The following CDH8 variants were observed in gnomAD, a reference collection of about 807,000 sequenced individuals.
CDH8 encodes the protein cadherin 8.
A neutral mutation model predicts 68.1 loss-of-function variants in CDH8; 17 were observed. The ratio of observed to expected loss-of-function variants is 0.25; its 90% CI spans 0.17 to 0.37. The LOEUF is 0.37. CDH8 is among the 10% of genes least tolerant of loss of function. CDH8 has a pLI of 1.00. For synonymous variants in CDH8, 372 were observed against 365.1 expected (o/e 1.02, Z -0.21); for missense variants, 763 against 999.3 (o/e 0.76, Z 3.19).
intron 4 of CDH8, among the ~76,000 whole-genome samples, chr16:61,855,870 G>C (rs1365132420): frequency 6.6e-6 from 1 of 152,094 alleles, no homozygotes; most frequent in Non-Finnish European, 1.5e-5. Flanking sequence ...GCCATTTCAG[G>C]ATCATCAAGG....
At chr16:61,891,711 T>G (rs1461269393) in intron 3 of CDH8, among the ~76,000 whole-genome samples, 1 of 152,186 alleles carries the variant, frequency 6.6e-6, no homozygotes, top group East Asian at 1.9e-4. Context: ...GTCATTCGTA[T>G]CAGGTAGAAC....
chr16:61,940,396 A>ATATTTTTTTTTTTTTTTTTTTTT (rs1597078843), intron 2 of CDH8: 1 of 121,054 alleles, frequency 8.3e-6, no homozygotes, highest in African/African-American at 3.8e-5. Flanking sequence ...GAACTACTTG[A>ATATTTTTTTTTTTTTTTTTTTTT]TCTTTTTTTT....
intron 1 of CDH8, among the ~76,000 whole-genome samples, chr16:62,028,211 C>T (rs1902241204): frequency 6.6e-6 from 1 of 151,510 alleles, no homozygotes; most frequent in South Asian, 2.1e-4. Flanking sequence ...ATTAGAGGCA[C>T]CCGCCACAAT....
chr16:61,923,230 A>G (rs1964400582), intron 2 of CDH8, among the ~76,000 whole-genome samples: 1 of 152,172 alleles, frequency 6.6e-6, no homozygotes, highest in African/African-American at 2.4e-5. Flanking sequence ...ACAAAATTAG[A>G]TAGCTTGAGG....
intron 10 of CDH8, among the ~76,000 whole-genome samples, chr16:61,670,988 C>A (rs955256068): frequency 1.3e-5 from 2 of 152,006 alleles, no homozygotes; most frequent in African/African-American, 2.4e-5. Context: ...GCAACTGAAA[C>A]CTCAGAAAGC....
At chr16:61,720,383 T>G (rs1235691838) in intron 9 of CDH8, among the ~76,000 whole-genome samples, 1 of 151,016 alleles carries the variant, frequency 6.6e-6, no homozygotes, top group Non-Finnish European at 1.5e-5. Flanking sequence ...TCAGGTTTCC[T>G]ACCTGGCTCC....
At position 62,021,225 on chromosome 16, in the gene CDH8, T is replaced by C; in HGVS notation, c.179A>G (p.Lys60Arg). ...CATTTGATTCCAAACCCAGCCTCTT[T>C]TGGAGCGGTTCAAAATTCGCTGTTC... is the stretch of plus-strand genomic sequence containing the variant. ...GEEQRILNRS[K>R]RGWVWNQMFV... The change falls in exon 2 of 12, where the codon AAA becomes AGA. Residue 60 changes from lysine to arginine, a missense_variant. By Grantham distance (26) the Lys-to-Arg change is conservative (BLOSUM62 2). Transcript: ENST00000577390. 5 of 1,614,034 alleles carry C rather than the reference T, an allele frequency of 3.1e-6. No individual in the cohort carries two copies. Among genetic ancestry groups the C allele is most frequent in the Non-Finnish European group, 4.2e-6 (5 of 1,179,964 alleles).
chr16:61,750,079 T>C (rs991875227), intron 8 of CDH8, among the ~76,000 whole-genome samples: 4 of 152,042 alleles, frequency 2.6e-5, no homozygotes, highest in East Asian at 1.9e-4. Context: ...CCAGCTCTAG[T>C]AGTCGTCAGT....
At chr16:61,777,833 A>G (rs929084173) in intron 8 of CDH8, among the ~76,000 whole-genome samples, 1 of 151,922 alleles carries the variant, frequency 6.6e-6, no homozygotes, top group African/African-American at 2.4e-5. Flanking sequence ...AAGGACATGG[A>G]CCCCAATTCT....
chr16:61,742,160 A>C (rs767418904), intron 8 of CDH8, among the ~76,000 whole-genome samples: 1 of 152,062 alleles, frequency 6.6e-6, no homozygotes, highest in Non-Finnish European at 1.5e-5. Flanking sequence ...TATTTTGTTT[A>C]ATTTTCTGAG....
chr16:61,782,634 C>A lies in CDH8; in HGVS notation c.1414+6712G>T, dbSNP rs796927045. 3.2e-4 allele frequency among the ~76,000 whole-genome samples: 49 copies of A among 151,872 alleles called. No homozygotes were observed. In the South Asian group the frequency reaches 0.01, roughly 31 times the overall value. On this transcript the variant is annotated intron_variant, in intron 8 of 11. Coordinates refer to ENST00000577390, the MANE Select transcript of CDH8 (RefSeq NM_001796.5). ...CCTCTGTAGGCTCCACCTCTGGGGG[C>A]AGGGCACAGACAAACAAAAAGACAG...
At chr16:61,684,403 C>T (rs1162486498) in intron 10 of CDH8, among the ~76,000 whole-genome samples, 1 of 151,740 alleles carries the variant, frequency 6.6e-6, no homozygotes, top group Non-Finnish European at 1.5e-5. Context: ...TTTTTATTGG[C>T]TAGGCAATAA....
intron 8 of CDH8, among the ~76,000 whole-genome samples, chr16:61,753,139 G>C (rs1432933054): frequency 6.6e-6 from 1 of 151,924 alleles, no homozygotes; most frequent in Non-Finnish European, 1.5e-5. Flanking sequence ...ATCTTGTGTA[G>C]TTTTGGATGA....
chr16:61,681,986 C>A (rs1214227305), intron 10 of CDH8, among the ~76,000 whole-genome samples: 1 of 151,852 alleles, frequency 6.6e-6, no homozygotes, highest in Non-Finnish European at 1.5e-5. Context: ...GGAAAATAAT[C>A]TCTCTAAGTA....
At chr16:61,749,059 T>C (rs1393489496) in intron 8 of CDH8, among the ~76,000 whole-genome samples, 2 of 152,090 alleles carry the variant, frequency 1.3e-5, no homozygotes, top group South Asian at 2.1e-4. Flanking sequence ...GCTTACAATA[T>C]TGAGGTAAGG....
rs147072144 is a variant in CDH8, at chr16:61,746,452, T to C, written c.1415-19237A>G. On this transcript the variant is annotated intron_variant, in intron 8 of 11. Transcript: ENST00000577390. Reference sequence around the variant, plus strand: ...TGAGTTCCTTAGTTGCTGGCTGCCTTTAAATCATGTTGTTCTCCCTAACTT... The same window carrying C: ...TGAGTTCCTTAGTTGCTGGCTGCCTCTAAATCATGTTGTTCTCCCTAACTT... Among the ~76,000 whole-genome samples the C allele has an allele frequency of 5.3e-4, 81 of 151,934 alleles. 1 individual carries two copies. Among genetic ancestry groups the C allele is most frequent in the Admixed American group, 4.5e-3 (69 of 15,190 alleles).
intron 3 of CDH8, among the ~76,000 whole-genome samples, chr16:61,894,560 A>C (rs2143215806): frequency 6.6e-6 from 1 of 152,296 alleles, no homozygotes; most frequent in East Asian, 1.9e-4. Context: ...TTACTCTCAA[A>C]CAGTTCAGAA....
At chr16:61,689,496 C>T (rs1457821097) in intron 10 of CDH8, among the ~76,000 whole-genome samples, 2 of 151,972 alleles carry the variant, frequency 1.3e-5, no homozygotes, top group Non-Finnish European at 2.9e-5. Flanking sequence ...ACTACTTCTG[C>T]CACTTGATTA....
At chr16:61,754,600 A>C (rs1960263069) in intron 8 of CDH8, among the ~76,000 whole-genome samples, 1 of 152,128 alleles carries the variant, frequency 6.6e-6, no homozygotes, top group Non-Finnish European at 1.5e-5. Flanking sequence ...AGATTATGCT[A>C]ATCAGGATAT....
Sources: gnomAD v4.1 joint callset for allele counts (sites outside exome capture counted in the v4.1 genomes callset) on GRCh38, gnomAD v4.1.1 for gene constraint, MANE v1.5 for transcripts, NCBI Gene and HGNC (gene_info 2026-07-23, HGNC 2026-07-21) for gene names.